PPP1R37: variants seen among roughly 807,000 people sequenced by gnomAD.
PPP1R37 encodes the protein protein phosphatase 1 regulatory subunit 37.
In PPP1R37, 21 loss-of-function variants were observed where a neutral mutation model predicts 61.0. That is an observed-to-expected ratio of 0.34 (90% CI 0.24 to 0.50). The LOEUF (loss-of-function observed/expected upper bound fraction) is 0.50. Among genes scored for constraint, PPP1R37 ranks in the 20% least tolerant of loss-of-function variants. The pLI is 0.98. For missense variants in PPP1R37, 910 were observed against 952.7 expected (o/e 0.96, Z 0.59); for synonymous variants, 443 against 433.5 (o/e 1.02, Z -0.27).
chr19:45,142,036 C>T (rs1209934901), intron 5 of PPP1R37, 25 bp from the exon 6 acceptor site: 1 of 1,482,886 alleles, frequency 6.7e-7, no homozygotes, highest in East Asian at 2.5e-5. Context: ...GCCAGTGCCT[C>T]ACCCCTGTCC....
In PPP1R37 at chr19:45,145,090, C is replaced by G. The variant is rs1211026057; in HGVS notation, c.1130-4C>G. ...CGTGGCCAGCCCCTGCGGTGCCCCC[C>G]CAGGCGCGGTGGCGGTGGCGGAGTT... On this transcript the variant is annotated splice_polypyrimidine_tract_variant and splice_region_variant and intron_variant, in intron 9 of 12. Coordinates refer to ENST00000221462, the MANE Select transcript of PPP1R37 (RefSeq NM_019121.2). 7.2e-6 allele frequency: 11 copies of G among 1,532,312 alleles called. No individual in the cohort carries two copies. The East Asian group carries it at 7.4e-5, about 10-fold the overall frequency. The allele number at this position is 1,532,312 out of a possible 1,614,324, so 94.9% of individuals were successfully genotyped here.
chr19:45,143,217 T>C (rs190911886), intron 7 of PPP1R37: 89 of 300,342 alleles, frequency 3.0e-4, no homozygotes, highest in African/African-American at 1.7e-3. Context: ...GGGATCTGCA[T>C]TGGAGGGAGA....
chr19:45,119,750 G>A (rs1297631535), intron 1 of PPP1R37, among the ~76,000 whole-genome samples: 1 of 152,180 alleles, frequency 6.6e-6, no homozygotes, highest in African/African-American at 2.4e-5. Context: ...GGCCAGGTAG[G>A]GCTGTGTCTC....
rs11312138 is a variant in PPP1R37, at chr19:45,120,014, C to CTTTTT, written c.203-18483_203-18479dup. 3.1e-4 allele frequency among the ~76,000 whole-genome samples: 26 copies of CTTTTT among 83,572 alleles called. 2 individuals carry two copies. The highest frequency in any genetic ancestry group is 1.2e-3 in the South Asian group (3 of 2,478). The allele number at this position is 83,572 out of a possible 152,430, so 54.8% of individuals were successfully genotyped here. On this transcript the variant is annotated intron_variant, in intron 1 of 12. Coordinates refer to ENST00000221462, the MANE Select transcript of PPP1R37 (RefSeq NM_019121.2). ...AGCACAGATTTTTTATTTTCCCCTTCTTTTTTTTTTTTTTTTTTTTTGAGA... is the reference window on the plus strand; with the variant it reads ...AGCACAGATTTTTTATTTTCCCCTTCTTTTTTTTTTTTTTTTTTTTTTTTTTGAGA...
chr19:45,095,091 G>T (rs4803798), intron 1 of PPP1R37, among the ~76,000 whole-genome samples: 1 of 152,044 alleles, frequency 6.6e-6, no homozygotes, highest in Non-Finnish European at 1.5e-5. Flanking sequence ...TTGCCAGTCT[G>T]TGGACAATGG....
chr19:45,140,199 A>G (rs932011206), intron 2 of PPP1R37, 37 bp from the exon 3 acceptor site: 16 of 1,526,972 alleles, frequency 1.0e-5, no homozygotes, highest in Non-Finnish European at 1.3e-5. Context: ...CCCCTGTTCA[A>G]GTGTCTTCCT....
At chr19:45,120,899 C>T (rs1391542785) in intron 1 of PPP1R37, among the ~76,000 whole-genome samples, 1 of 152,206 alleles carries the variant, frequency 6.6e-6, no homozygotes, top group Non-Finnish European at 1.5e-5. Flanking sequence ...GGATTACAGG[C>T]GTGACCCACT....
At chr19:45,118,337 G>C (rs562638708) in intron 1 of PPP1R37, among the ~76,000 whole-genome samples, 1 of 152,326 alleles carries the variant, frequency 6.6e-6, no homozygotes, top group South Asian at 2.1e-4. Flanking sequence ...TTCCTGGAAG[G>C]CAAGTGTGTG....
At chr19:45,143,344 C>T (rs1968638641) in intron 7 of PPP1R37, 177 bp from the exon 8 acceptor site, 1 of 545,288 alleles carries the variant, frequency 1.8e-6, no homozygotes, top group Non-Finnish European at 3.3e-6. Flanking sequence ...CACCCAGGCC[C>T]AGGGGTCACA....
intron 1 of PPP1R37, among the ~76,000 whole-genome samples, chr19:45,095,367 C>T (rs534246316): frequency 6.7e-6 from 1 of 148,906 alleles, no homozygotes; most frequent in Non-Finnish European, 1.5e-5. Flanking sequence ...GAACTCCCGA[C>T]CTCAGGTGAT....
chr19:45,133,036 G>A (rs548012713), intron 1 of PPP1R37, among the ~76,000 whole-genome samples: 12 of 152,264 alleles, frequency 7.9e-5, no homozygotes, highest in African/African-American at 2.2e-4. Flanking sequence ...TGAGTTGGGC[G>A]CTAGGATTTG....
chr19:45,094,604 G>A (rs1319038192), intron 1 of PPP1R37, among the ~76,000 whole-genome samples: 1 of 152,148 alleles, frequency 6.6e-6, no homozygotes, highest in African/African-American at 2.4e-5. Flanking sequence ...GTGCACACCT[G>A]TAATCCCATC....
chr19:45,102,317 C>T (rs913353140), intron 1 of PPP1R37, among the ~76,000 whole-genome samples: 2 of 152,240 alleles, frequency 1.3e-5, no homozygotes, highest in Admixed American at 6.5e-5. Flanking sequence ...CAGCGGGCCT[C>T]GTTCCATGTT....
chr19:45,093,366 C>G lies in PPP1R37; in HGVS notation c.41C>G (p.Ala14Gly). 4.0e-6 allele frequency: 6 copies of G among 1,509,210 alleles called. No individual in the cohort carries two copies. Among genetic ancestry groups the G allele is most frequent in the Non-Finnish European group, 5.3e-6 (6 of 1,131,882 alleles). The allele number at this position is 1,509,210 out of a possible 1,614,324, so 93.5% of individuals were successfully genotyped here. ...APQEAPPVPG[A>G]DGDIEEAPAE... ...CAGGAGGCGCCGCCCGTGCCGGGCG[C>G]GGACGGCGACATTGAAGAGGCCCCA... Residue 14 changes from alanine (A) to glycine (G), a missense_variant, in exon 1 of 13, where the codon GCG becomes GGG. Ala to Gly is a moderately conservative substitution (Grantham distance 60). Around this residue, in one of 3 missense-constraint regions of PPP1R37, gnomAD observed 81 missense variants for 65.4 expected, o/e 1.24. Transcript: ENST00000221462.
Position 45,145,472 on chromosome 19 carries a change from C to T in PPP1R37, c.1416C>T (p.Ala472=), listed in dbSNP as rs1213142643. 6.5e-7 allele frequency: 1 copy of T among 1,534,974 alleles called. No homozygotes were observed. The highest frequency in any genetic ancestry group is 8.7e-7 in the Non-Finnish European group (1 of 1,146,542). ...AGGAGCAGCCGCCACAGCTGTCGGC[C>T]TCCATGCCTGAGACCACCGCCACCG... ...EEKEQPPQLS[A]SMPETTATEP... is the part of the protein sequence containing the mutation. The change falls in exon 11 of 13, where the codon GCC becomes GCT. Residue 472 remains alanine, a synonymous_variant. Transcript: ENST00000221462.
intron 3 of PPP1R37, 23 bp from the exon 4 acceptor site, chr19:45,140,483 G>A (rs957895908): frequency 3.3e-6 from 5 of 1,518,640 alleles, no homozygotes; most frequent in East Asian, 2.4e-5. Flanking sequence ...TTAGACATGC[G>A]CACGGCTGCT....
chr19:45,093,588 G>A (rs1967952115), intron 1 of PPP1R37, 61 bp downstream of exon 1: 4 of 1,355,598 alleles, frequency 3.0e-6, no homozygotes, highest in African/African-American at 1.5e-5. Flanking sequence ...GGGAGGGATC[G>A]GTGCAGGGCC....
rs1354640628 is a variant in PPP1R37, at chr19:45,144,965, G to A, written c.1099G>A (p.Gly367Arg). 1.3e-6 allele frequency: 2 copies of A among 1,535,214 alleles called. No homozygotes were observed. Among genetic ancestry groups the A allele is most frequent in the Admixed American group, 2.0e-5 (1 of 50,932 alleles). Residue 367 changes from glycine (G) to arginine (R), a missense_variant, in exon 9 of 13, where the codon GGG becomes AGG. Around this residue, in one of 3 missense-constraint regions of PPP1R37, gnomAD observed 549 missense variants for 505.1 expected, o/e 1.09. Transcript: ENST00000221462. The part of the protein sequence containing the change: ...LISNRSVLRL[G>R]LASTKLTCEG... ...CAGCAACCGCAGCGTGCTGCGCCTC[G>A]GGCTGGCCTCCACCAAGCTCACGTG... is the stretch of plus-strand genomic sequence containing the variant.
rs183602124 is a variant in PPP1R37 at position 45,109,840 on chromosome 19, G to A, written c.202+16313G>A. ...TCAGGAATACTGTTCTTTGCCCTGA[G>A]GATCTGTCGCCCACCTGCATCTGCA... On this transcript the variant is annotated intron_variant, in intron 1 of 12. Transcript: ENST00000221462. 8.5e-5 allele frequency among the ~76,000 whole-genome samples: 13 copies of A among 152,274 alleles called. 1 individual carries two copies. Among genetic ancestry groups the A allele is most frequent in the Admixed American group, 7.2e-4 (11 of 15,294 alleles).
Sources: allele counts gnomAD v4.1 joint callset (sites outside exome capture counted in the v4.1 genomes callset), GRCh38; gene constraint gnomAD v4.1.1; regional missense constraint gnomAD v4.1.1; transcripts MANE v1.5; gene names NCBI Gene and HGNC (gene_info 2026-07-23, HGNC 2026-07-21).